The following ADAMTSL1 variants were observed in gnomAD, a reference collection of about 807,000 sequenced individuals.
ADAMTSL1 encodes the protein ADAMTS like 1, also known as ADAMTS-like protein 1.
In ADAMTSL1, 126 loss-of-function variants were observed where a neutral mutation model predicts 201.8. The ratio of observed to expected loss-of-function variants is 0.62; its 90% confidence interval spans 0.54 to 0.72. The LOEUF is 0.72. Ranked by LOEUF, ADAMTSL1 falls within the 30% of genes least tolerant of loss-of-function variation. The pLI is 0.00. For synonymous variants in ADAMTSL1, 1,121 were observed against 903.4 expected, an observed-to-expected ratio of 1.24 and a Z score of -4.32; for missense variants, 2,679 against 2,277.8, an observed-to-expected ratio of 1.18 and a Z score of -3.59.
intron 2 of ADAMTSL1, among the ~76,000 whole-genome samples, chr9:18,391,558 G>C (rs1436019021): frequency 6.6e-6 from 1 of 151,904 alleles, no homozygotes; most frequent in Non-Finnish European, 1.5e-5. Flanking sequence ...CAATCTTCTT[G>C]CCTCAGATAT....
At chr9:18,089,530 G>T (rs1563993581) in intron 1 of ADAMTSL1, among the ~76,000 whole-genome samples, 1 of 152,150 alleles carries the variant, frequency 6.6e-6, no homozygotes, top group South Asian at 2.1e-4. Flanking sequence ...CGGGTTGATG[G>T]GTGCAGCAAA....
chr9:18,576,832 T>A (rs1587616862), intron 4 of ADAMTSL1, among the ~76,000 whole-genome samples: 1 of 152,318 alleles, frequency 6.6e-6, no homozygotes, highest in South Asian at 2.1e-4. Flanking sequence ...CTTTATTTTT[T>A]TTTCAAATAT....
intron 2 of ADAMTSL1, among the ~76,000 whole-genome samples, chr9:18,247,226 A>C (rs1831287138): frequency 6.6e-6 from 1 of 152,246 alleles, no homozygotes; most frequent in Admixed American, 6.5e-5. Context: ...TAGTAACAGT[A>C]ATAGCAAATA....
chr9:18,798,031 C>G (rs1180191890), intron 20 of ADAMTSL1, among the ~76,000 whole-genome samples: 1 of 151,556 alleles, frequency 6.6e-6, no homozygotes, highest in Non-Finnish European at 1.5e-5. Context: ...CTCAGCACTA[C>G]TATGTTTTTA....
chr9:17,929,452 G>A (rs1050521987), intron 1 of ADAMTSL1, among the ~76,000 whole-genome samples: 1 of 151,980 alleles, frequency 6.6e-6, no homozygotes, highest in Non-Finnish European at 1.5e-5. Context: ...CGAATAAGCT[G>A]GAAAACCCTT....
At chr9:17,948,422 G>A (rs1213833648) in intron 1 of ADAMTSL1, among the ~76,000 whole-genome samples, 1 of 152,176 alleles carries the variant, frequency 6.6e-6, no homozygotes, top group East Asian at 1.9e-4. Context: ...GTGGTTTGGG[G>A]AGCAGCTTAG....
chr9:18,881,160 A>G (rs1466131056), intron 23 of ADAMTSL1, among the ~76,000 whole-genome samples: 1 of 152,180 alleles, frequency 6.6e-6, no homozygotes, highest in Non-Finnish European at 1.5e-5. Flanking sequence ...ATCAGCAATG[A>G]GACTATTTTA....
At chr9:18,441,997 G>A (rs895643619) in intron 2 of ADAMTSL1, among the ~76,000 whole-genome samples, 1 of 152,206 alleles carries the variant, frequency 6.6e-6, no homozygotes, top group Non-Finnish European at 1.5e-5. Flanking sequence ...ATGGCTGGAT[G>A]ATAATGGTTA....
intron 2 of ADAMTSL1, among the ~76,000 whole-genome samples, chr9:18,516,885 G>A (rs536465260): frequency 6.6e-6 from 1 of 152,238 alleles, no homozygotes; most frequent in East Asian, 1.9e-4. Flanking sequence ...TCATATAAAT[G>A]GTTTTAAAGA....
intron 1 of ADAMTSL1, among the ~76,000 whole-genome samples, chr9:18,069,720 G>T (rs559015564): frequency 5.3e-5 from 8 of 152,252 alleles, no homozygotes; most frequent in African/African-American, 1.9e-4. Flanking sequence ...ATACATGGAG[G>T]GTGGATTGAG....
chr9:18,864,087 T>G lies in ADAMTSL1; in HGVS notation c.4250-23744T>G, dbSNP rs139827085. Among the ~76,000 whole-genome samples the G allele has an allele frequency of 7.9e-5, 12 of 152,354 alleles. No homozygotes were observed. The East Asian group carries it at 2.3e-3, about 29-fold the overall frequency. On this transcript the variant is annotated intron_variant, in intron 23 of 28. Coordinates refer to ENST00000380548, the MANE Select transcript of ADAMTSL1 (RefSeq NM_001040272.6). ...ACAGCATGTCCTAATCAGCCACAGC[T>G]TTCTTTTCCTTTAGAAAGCAGTTAA...
At chr9:18,232,884 T>C (rs1375022425) in intron 2 of ADAMTSL1, among the ~76,000 whole-genome samples, 1 of 152,190 alleles carries the variant, frequency 6.6e-6, no homozygotes, top group South Asian at 2.1e-4. Flanking sequence ...TATTAATATA[T>C]TTTATAAATA....
At chr9:18,844,701 CTT>C (rs1221990392) in intron 23 of ADAMTSL1, among the ~76,000 whole-genome samples, 1 of 152,254 alleles carries the variant, frequency 6.6e-6, no homozygotes, top group East Asian at 1.9e-4. Flanking sequence ...CCAGTTCGAG[CTT>C]CCTGGCTGCT....
At chr9:18,360,662 A>T (rs1836477756) in intron 2 of ADAMTSL1, 1 of 152,194 alleles carries the variant, frequency 6.6e-6, no homozygotes, top group Admixed American at 6.5e-5. Flanking sequence ...GCACATGACA[A>T]AGAATTGTCC....
At chr9:18,833,456 G>C (rs183974291) in intron 23 of ADAMTSL1, among the ~76,000 whole-genome samples, 101 of 152,298 alleles carry the variant, frequency 6.6e-4, no homozygotes, top group African/African-American at 2.4e-3. Flanking sequence ...CTAATAATCA[G>C]TGACGTTGAG....
chr9:18,082,147 T>G (rs1823524889), intron 1 of ADAMTSL1, among the ~76,000 whole-genome samples: 2 of 152,174 alleles, frequency 1.3e-5, no homozygotes, highest in African/African-American at 2.4e-5. Context: ...TGTATTCACA[T>G]TTTTTTGGAC....
At chr9:17,942,089 T>A (rs1308338385) in intron 1 of ADAMTSL1, among the ~76,000 whole-genome samples, 1 of 152,140 alleles carries the variant, frequency 6.6e-6, no homozygotes, top group Non-Finnish European at 1.5e-5. Flanking sequence ...TTCACCTATA[T>A]AAGGTATATA....
chr9:18,426,229 C>T (rs547597773), intron 2 of ADAMTSL1, among the ~76,000 whole-genome samples: 5 of 152,208 alleles, frequency 3.3e-5, no homozygotes, highest in East Asian at 1.9e-4. Context: ...CCCAGTCCAC[C>T]GGCCAGCTAT....
rs149731903 is a variant in ADAMTSL1, at chr9:18,363,278, G to A, written c.208-141551G>A. Among the ~76,000 whole-genome samples, 384 of 152,270 alleles carry A rather than the reference G, an allele frequency of 2.5e-3. 2 individuals carry two copies. The highest frequency in any genetic ancestry group is 6.8e-3 in the Middle Eastern group (2 of 294). On this transcript the variant is annotated intron_variant, in intron 2 of 29. Coordinates refer to the ADAMTSL1 transcript ENST00000680146. Reference sequence around the variant, plus strand: ...TCAGGCATCCTGCCACAAATTGTTGGCCATGGCTACTGTGATTCTTCTGAG... The same window carrying A: ...TCAGGCATCCTGCCACAAATTGTTGACCATGGCTACTGTGATTCTTCTGAG...
Sources: gnomAD v4.1 joint callset for allele counts (sites outside exome capture counted in the v4.1 genomes callset) on GRCh38, gnomAD v4.1.1 for gene constraint, MANE v1.5 for transcripts, NCBI Gene and HGNC (gene_info 2026-07-23, HGNC 2026-07-21) for gene names.